ARFGAP3: variants seen among roughly 807,000 people sequenced by gnomAD.
ARFGAP3 encodes ARF GTPase activating protein 3, also known as ADP-ribosylation factor GTPase-activating protein 3.
In ARFGAP3, 72 loss-of-function variants were observed where a neutral mutation model predicts 75.0. The ratio of observed to expected loss-of-function variants is 0.96; its 90% confidence interval spans 0.79 to 1.17. The LOEUF is 1.17. ARFGAP3 is among the 50% of genes most tolerant of loss of function. ARFGAP3 has a pLI of 0.00. For synonymous variants in ARFGAP3, 221 were observed against 217.9 expected, an observed-to-expected ratio of 1.01 and a Z score of -0.13; for missense variants, 620 against 626.6, an observed-to-expected ratio of 0.99 and a Z score of 0.11.
At chr22:42,841,760 T>A (rs1032969858) in intron 2 of ARFGAP3, among the ~76,000 whole-genome samples, 4 of 152,034 alleles carry the variant, frequency 2.6e-5, no homozygotes, top group Non-Finnish European at 4.4e-5. Flanking sequence ...TTAGAATGAG[T>A]ATAGGCAGAA....
At chr22:42,847,112 T>TA (rs1314721524) in intron 2 of ARFGAP3, 2 of 174,094 alleles carry the variant, frequency 1.1e-5, no homozygotes. Context: ...AATCAATTCT[T>TA]AAAGGCCTCA....
chr22:42,822,554 G>A, intron 8 of ARFGAP3, 145 bp from the exon 9 acceptor site: 1 of 973,156 alleles, frequency 1.0e-6, no homozygotes, highest in Non-Finnish European at 1.5e-6. Context: ...AGAACTCTGT[G>A]AAGTTAGTAT....
In ARFGAP3 at chr22:42,811,029, A is replaced by T. The variant is rs1925348044; in HGVS notation, c.1065-85T>A. On this transcript the variant is annotated intron_variant, in intron 11 of 15. Transcript: ENST00000263245. ...TCTCTCACTTCCACAGATGTGGGGG[A>T]TGCCTCCTTGAAGTTAATGGCAGTC... is the stretch of plus-strand genomic sequence containing the variant. The T allele has an allele frequency of 1.2e-5, 19 of 1,546,032 alleles. No homozygotes were observed. The South Asian group carries it at 2.4e-4, about 19-fold the overall frequency.
intron 3 of ARFGAP3, among the ~76,000 whole-genome samples, chr22:42,840,135 T>G (rs926391445): frequency 1.4e-4 from 21 of 151,984 alleles, no homozygotes; most frequent in African/African-American, 5.1e-4. Flanking sequence ...TTTGTCATGT[T>G]GTCCAGGTCA....
rs191045561 is a variant in ARFGAP3 at position 42,817,167 on chromosome 22, C to T, written c.1039G>A (p.Asp347Asn). 1.3e-5 allele frequency: 21 copies of T among 1,612,500 alleles called. No individual in the cohort carries two copies. Among genetic ancestry groups the T allele is most frequent in the East Asian group, 1.1e-4 (5 of 44,766 alleles). ...PRKKYNDDSD[D>N]SYFTSSSSYF... ...CTTGAGCTGGAAGTAAAATATGAATCGTCACTGTCATCATTATACTTTTTT... is the reference window on the plus strand; with the variant it reads ...CTTGAGCTGGAAGTAAAATATGAATTGTCACTGTCATCATTATACTTTTTT... The change falls in exon 11 of 16, where the codon GAT becomes AAT. Residue 347 changes from aspartate to asparagine, a missense_variant. Transcript: ENST00000263245.
At chr22:42,840,384 C>T (rs1926726080) in intron 3 of ARFGAP3, among the ~76,000 whole-genome samples, 2 of 152,064 alleles carry the variant, frequency 1.3e-5, no homozygotes, top group African/African-American at 4.8e-5. Flanking sequence ...CTCATAGGGC[C>T]TCCCAAACTT....
At chr22:42,813,164 G>A (rs1157869747) in intron 11 of ARFGAP3, among the ~76,000 whole-genome samples, 1 of 152,220 alleles carries the variant, frequency 6.6e-6, no homozygotes, top group African/African-American at 2.4e-5. Flanking sequence ...CACTCTGCTA[G>A]GGGAAGACAA....
intron 1 of ARFGAP3, among the ~76,000 whole-genome samples, chr22:42,852,372 T>C (rs1927315298): frequency 6.6e-6 from 1 of 151,518 alleles, no homozygotes; most frequent in Non-Finnish European, 1.5e-5. Context: ...GAAATTCTTT[T>C]TTTTTGAGAT....
At chr22:42,822,193 T>C (rs2146547074) in intron 9 of ARFGAP3, 77 bp downstream of exon 9, 3 of 966,332 alleles carry the variant, frequency 3.1e-6, no homozygotes, top group South Asian at 1.5e-5. Context: ...CAAAAATACA[T>C]GGCATTTGGA....
chr22:42,810,300 C>T (rs937305962), intron 12 of ARFGAP3, among the ~76,000 whole-genome samples: 3 of 151,806 alleles, frequency 2.0e-5, no homozygotes, highest in African/African-American at 7.3e-5. Context: ...ACCGTCTCTA[C>T]TAAAAGTACA....
At chr22:42,846,226 G>A (rs1027216272) in intron 2 of ARFGAP3, among the ~76,000 whole-genome samples, 2 of 152,188 alleles carry the variant, frequency 1.3e-5, no homozygotes, top group Non-Finnish European at 2.9e-5. Context: ...ATGGAGTAGG[G>A]AAATCTCTGG....
chr22:42,808,974 C>G, intron 12 of ARFGAP3, 84 bp from the exon 13 acceptor site: 1 of 1,335,696 alleles, frequency 7.5e-7, no homozygotes, highest in Non-Finnish European at 9.7e-7. Context: ...TTTTAAAATG[C>G]CAACAGCAGT....
intron 1 of ARFGAP3, among the ~76,000 whole-genome samples, chr22:42,849,857 C>T (rs1043530498): frequency 6.6e-6 from 1 of 152,114 alleles, no homozygotes; most frequent in Non-Finnish European, 1.5e-5. Context: ...CCACCACGTC[C>T]GGCTCCTGTC....
intron 6 of ARFGAP3, among the ~76,000 whole-genome samples, chr22:42,829,653 T>C (rs1221667925): frequency 6.6e-6 from 1 of 152,250 alleles, no homozygotes; most frequent in Non-Finnish European, 1.5e-5. Flanking sequence ...ATTGCAAATA[T>C]AAGTTTATCA....
At chr22:42,830,374 A>G (rs1410525558) in intron 6 of ARFGAP3, among the ~76,000 whole-genome samples, 2 of 151,558 alleles carry the variant, frequency 1.3e-5, no homozygotes, top group African/African-American at 2.4e-5. Context: ...AATACCACTT[A>G]CTCTCCTACC....
chr22:42,809,716 A>G (rs1414259159), intron 12 of ARFGAP3, among the ~76,000 whole-genome samples: 3 of 152,052 alleles, frequency 2.0e-5, no homozygotes, highest in Non-Finnish European at 2.9e-5. Flanking sequence ...AAATTGGGGG[A>G]AAAAAGGCCG....
At chr22:42,808,945 G>C in intron 12 of ARFGAP3, 55 bp from the exon 13 acceptor site, 1 of 1,426,616 alleles carries the variant, frequency 7.0e-7, no homozygotes, top group Non-Finnish European at 9.3e-7. Flanking sequence ...AAGCAAATGT[G>C]TTTCATACTC....
intron 14 of ARFGAP3, among the ~76,000 whole-genome samples, chr22:42,799,558 C>A (rs1173818189): frequency 6.6e-6 from 1 of 152,188 alleles, no homozygotes; most frequent in Non-Finnish European, 1.5e-5. Flanking sequence ...CACCTCCTCC[C>A]TCTTTTGGTA....
At chr22:42,842,832 C>T (rs143530925) in intron 2 of ARFGAP3, among the ~76,000 whole-genome samples, 148 of 152,140 alleles carry the variant, frequency 9.7e-4, no homozygotes, top group African/African-American at 2.8e-3. Flanking sequence ...TGCCTTTCTA[C>T]GCCAACATCA....
Sources: allele counts gnomAD v4.1 joint callset (sites outside exome capture counted in the v4.1 genomes callset), GRCh38; gene constraint gnomAD v4.1.1; transcripts MANE v1.5; gene names NCBI Gene and HGNC (gene_info 2026-07-23, HGNC 2026-07-21).